The following DUSP13B variants were observed in gnomAD, a reference collection of about 807,000 sequenced individuals.
The protein encoded by DUSP13B is dual specificity protein phosphatase 13B.
chr10:75,107,154 G>T, the DUSP13B span, among the ~76,000 whole-genome samples: 2 of 152,196 alleles, frequency 1.3e-5, no homozygotes, highest in African/African-American at 4.8e-5. Flanking sequence ...TCGCCAACAT[G>T]GTGAAACCCT....
At chr10:75,101,659 A>G in the DUSP13B span, among the ~76,000 whole-genome samples, 1 of 152,172 alleles carries the variant, frequency 6.6e-6, no homozygotes, top group East Asian at 1.9e-4. Context: ...CCAGAGTCAC[A>G]TAGCCAATTG....
At chr10:75,100,094 G>C in the DUSP13B span, among the ~76,000 whole-genome samples, 1 of 152,106 alleles carries the variant, frequency 6.6e-6, no homozygotes, top group Non-Finnish European at 1.5e-5. Context: ...CAGGCCTGCG[G>C]AGCTTGGCAT....
the DUSP13B span, chr10:75,104,107 A>G: frequency 2.5e-5 from 34 of 1,336,580 alleles, no homozygotes; most frequent in Non-Finnish European, 3.1e-5. Flanking sequence ...TCTGGAAGAG[A>G]GATGAGCTCT....
chr10:75,095,793 T>C, the DUSP13B span: 1 of 1,613,996 alleles, frequency 6.2e-7, no homozygotes, highest in Non-Finnish European at 8.5e-7. Context: ...CCGGGCTGCG[T>C]ACCTGGAGGA....
At chr10:75,105,519 C>G in the DUSP13B span, 2 of 853,996 alleles carry the variant, frequency 2.3e-6, no homozygotes, top group East Asian at 5.4e-5. Flanking sequence ...GAGAGAGGGC[C>G]AGGCCCCCTT....
the DUSP13B span, chr10:75,104,207 A>T: frequency 1.5e-6 from 1 of 687,414 alleles, no homozygotes; most frequent in Non-Finnish European, 2.2e-6. Flanking sequence ...TTCTGCCTTG[A>T]GCCCTGTGCA....
chr10:75,097,971 T>A, the DUSP13B span: 1 of 1,251,912 alleles, frequency 8.0e-7, no homozygotes, highest in Non-Finnish European at 1.1e-6. Flanking sequence ...GTGCAGTGCC[T>A]AGGTGCCACG....
the DUSP13B span, chr10:75,097,753 G>A: frequency 6.2e-7 from 1 of 1,613,556 alleles, no homozygotes; most frequent in Admixed American, 1.7e-5. Flanking sequence ...CATCGATATG[G>A]TTCAGTGTGG....
chr10:75,108,239 C>T, the DUSP13B span: 149 of 1,566,652 alleles, frequency 9.5e-5, 1 homozygote, highest in South Asian at 1.5e-3. Context: ...CACTTGATGC[C>T]GGCCAAGCCA....
At chr10:75,095,609 A>C in the DUSP13B span, 64 of 1,614,042 alleles carry the variant, frequency 4.0e-5, no homozygotes, top group African/African-American at 5.3e-5. Flanking sequence ...GGATGTATCG[A>C]GCAACAGGCA....
At chr10:75,106,943 C>A in the DUSP13B span, among the ~76,000 whole-genome samples, 1 of 152,358 alleles carries the variant, frequency 6.6e-6, no homozygotes, top group African/African-American at 2.4e-5. Context: ...GTGAGGGACA[C>A]AGCTGTCTTC....
chr10:75,099,431 G>A, the DUSP13B span: 8 of 1,232,618 alleles, frequency 6.5e-6, no homozygotes, highest in Non-Finnish European at 8.1e-6. Context: ...CCACCTACCT[G>A]GGGCATGGCC....
the DUSP13B span, chr10:75,099,648 T>C: frequency 2.5e-6 from 2 of 809,988 alleles, no homozygotes; most frequent in East Asian, 7.0e-5. Context: ...CCCCCAGGCC[T>C]CCTCTCTGCT....
At chr10:75,098,928 T>C in the DUSP13B span, 6 of 1,209,850 alleles carry the variant, frequency 5.0e-6, no homozygotes, top group South Asian at 4.3e-5. Flanking sequence ...GTTACCATCT[T>C]TGGGGCCTCC....
chr10:75,099,154 T>C, the DUSP13B span: 2 of 1,232,182 alleles, frequency 1.6e-6, no homozygotes, highest in Non-Finnish European at 2.0e-6. Flanking sequence ...CACCAGAATA[T>C]GGGCCTGGTG....
the DUSP13B span, chr10:75,094,839 G>C: frequency 6.2e-7 from 1 of 1,614,204 alleles, no homozygotes; most frequent in Non-Finnish European, 8.5e-7. Flanking sequence ...AAGTGTGGCA[G>C]AGCGGCTTAC....
the DUSP13B span, chr10:75,095,585 A>T: frequency 6.2e-7 from 1 of 1,613,998 alleles, no homozygotes; most frequent in Non-Finnish European, 8.5e-7. Flanking sequence ...CTTGGGGAAC[A>T]CTGAGGGCAG....
At chr10:75,106,470 G>A in the DUSP13B span, among the ~76,000 whole-genome samples, 3 of 152,064 alleles carry the variant, frequency 2.0e-5, no homozygotes, top group African/African-American at 4.8e-5. Flanking sequence ...GCTGAGACAC[G>A]GCTTCCTCCA....
chr10:75,108,265 G>A, the DUSP13B span: 6 of 1,534,226 alleles, frequency 3.9e-6, no homozygotes, highest in Non-Finnish European at 5.2e-6. Context: ...CCAGGAGGGA[G>A]GCTGTGCCTG....
Sources: allele counts gnomAD v4.1 joint callset (sites outside exome capture counted in the v4.1 genomes callset), GRCh38; gene constraint gnomAD v4.1.1; transcripts MANE v1.5; gene names NCBI Gene and HGNC (gene_info 2026-07-23, HGNC 2026-07-21).